The following FANK1 variants were observed in gnomAD, a reference collection of about 807,000 sequenced individuals.
The protein encoded by FANK1 is fibronectin type 3 and ankyrin repeat domains protein 1.
In FANK1, 44 loss-of-function variants were observed where a neutral mutation model predicts 45.3. The ratio of observed to expected loss-of-function variants is 0.97; its 90% CI spans 0.76 to 1.25. The LOEUF is 1.25. Among genes scored for constraint, FANK1 ranks in the 50% most tolerant of loss-of-function variants. The pLI, the probability that FANK1 is intolerant of heterozygous loss-of-function variation, is 0.00. For synonymous variants in FANK1, 149 were observed against 152.5 expected, an observed-to-expected ratio of 0.98 and a Z score of 0.17; for missense variants, 391 against 424.4, an observed-to-expected ratio of 0.92 and a Z score of 0.69.
chr10:125,951,904 G>A (rs1432506138), intron 1 of FANK1, among the ~76,000 whole-genome samples: 3 of 152,146 alleles, frequency 2.0e-5, no homozygotes, highest in Admixed American at 6.5e-5. Context: ...CCCTGTAATT[G>A]TGTAACCAAA....
chr10:125,927,180 T>C (rs1159825115), intron 1 of FANK1, among the ~76,000 whole-genome samples: 4 of 152,168 alleles, frequency 2.6e-5, no homozygotes, highest in African/African-American at 9.7e-5. Flanking sequence ...TGATCATGGC[T>C]CACTGCAGCC....
intron 1 of FANK1, among the ~76,000 whole-genome samples, chr10:125,946,249 C>T (rs1199723029): frequency 1.3e-5 from 2 of 151,894 alleles, no homozygotes; most frequent in South Asian, 4.2e-4. Flanking sequence ...CGGAACAAAG[C>T]TGGATGGAGA....
intron 1 of FANK1, among the ~76,000 whole-genome samples, chr10:125,927,725 T>A (rs148408124): frequency 0.012 from 1,768 of 152,104 alleles, 18 homozygotes; most frequent in African/African-American, 0.04. Context: ...TAATTTTTTT[T>A]AGTAGAGACG....
chr10:125,901,057 A>C (rs190601389), intron 1 of FANK1, among the ~76,000 whole-genome samples: 303 of 151,926 alleles, frequency 2.0e-3, no homozygotes, highest in African/African-American at 7.1e-3. Context: ...ATCCTTCCCC[A>C]TTGGCCTCCC....
intron 1 of FANK1, among the ~76,000 whole-genome samples, chr10:125,943,859 A>C (rs1195174052): frequency 6.6e-6 from 1 of 152,240 alleles, no homozygotes; most frequent in Non-Finnish European, 1.5e-5. Flanking sequence ...GTAGTCAGCA[A>C]CTTTAGGGAC....
chr10:125,928,852 T>C (rs960905677), intron 1 of FANK1, among the ~76,000 whole-genome samples: 6 of 152,232 alleles, frequency 3.9e-5, no homozygotes, highest in African/African-American at 1.4e-4. Flanking sequence ...AATTCTTATA[T>C]TATGGACCAA....
At chr10:125,929,112 C>T (rs1235588121) in intron 1 of FANK1, among the ~76,000 whole-genome samples, 2 of 152,168 alleles carry the variant, frequency 1.3e-5, no homozygotes, top group African/African-American at 4.8e-5. Flanking sequence ...CAGGAGTCCA[C>T]GAAATATGAG....
intron 1 of FANK1, among the ~76,000 whole-genome samples, chr10:125,904,900 C>A (rs977402114): frequency 2.6e-5 from 4 of 151,516 alleles, no homozygotes; most frequent in African/African-American, 9.7e-5. Context: ...CCGAGGCGGG[C>A]GGATCACGAG....
intron 1 of FANK1, among the ~76,000 whole-genome samples, chr10:125,907,279 CCTAATTAGTTAGGCACAACT>C (rs1945603900): frequency 6.6e-6 from 1 of 152,082 alleles, no homozygotes; most frequent in African/African-American, 2.4e-5. Context: ...CTAACTTGTG[CCTAATTAGTTAGGCACAACT>C]CTAATTAGTT....
At chr10:125,971,854 C>T (rs1950539131) in intron 1 of FANK1, among the ~76,000 whole-genome samples, 2 of 152,256 alleles carry the variant, frequency 1.3e-5, no homozygotes, top group South Asian at 2.1e-4. Flanking sequence ...GATCTCGTGA[C>T]TTTGTGATTC....
At chr10:125,967,297 A>G (rs1950246441) in intron 1 of FANK1, among the ~76,000 whole-genome samples, 1 of 152,172 alleles carries the variant, frequency 6.6e-6, no homozygotes, top group African/African-American at 2.4e-5. Flanking sequence ...TGCTTGTTGC[A>G]TGGACTCCCC....
At chr10:125,963,097 C>T (rs1950021390) in intron 1 of FANK1, among the ~76,000 whole-genome samples, 2 of 151,866 alleles carry the variant, frequency 1.3e-5, no homozygotes, top group South Asian at 4.2e-4. Context: ...AGCGATTCTG[C>T]CTCAGCCTCC....
At chr10:125,930,015 A>G (rs1278728848) in intron 1 of FANK1, among the ~76,000 whole-genome samples, 2 of 152,118 alleles carry the variant, frequency 1.3e-5, no homozygotes, top group African/African-American at 4.8e-5. Flanking sequence ...ACTTTTTCAC[A>G]TGGCTATCCA....
intron 1 of FANK1, among the ~76,000 whole-genome samples, chr10:125,898,019 A>AAAAT (rs1554902604): frequency 1.2e-5 from 1 of 83,482 alleles, no homozygotes; most frequent in African/African-American, 4.0e-5. Context: ...AAAAAAAAAA[A>AAAAT]AAAAAAAAAA....
intron 1 of FANK1, among the ~76,000 whole-genome samples, chr10:125,929,717 G>A (rs759344033): frequency 1.3e-4 from 20 of 152,234 alleles, no homozygotes; most frequent in Admixed American, 9.2e-4. Flanking sequence ...TGGACAAAAC[G>A]CACAAAGCAA....
chr10:125,952,522 TC>T (rs1426898376), intron 1 of FANK1, among the ~76,000 whole-genome samples: 1 of 152,098 alleles, frequency 6.6e-6, no homozygotes, highest in East Asian at 1.9e-4. Flanking sequence ...CAAACCAGGA[TC>T]ACCCTTGTGT....
At chr10:125,949,919 T>G (rs1459926266) in intron 1 of FANK1, among the ~76,000 whole-genome samples, 6 of 141,730 alleles carry the variant, frequency 4.2e-5, no homozygotes, top group East Asian at 2.1e-4. Context: ...AAAAGAGAGA[T>G]ATAGATCAAT....
rs573676794 is a variant in FANK1, at chr10:125,996,706, G to A, written c.473+82G>A. ...AAAGGCTCTGGTCAGGATAAGGATGGGAGGAAAAAGGGCCATGGAGGAACC... is the reference window on the plus strand; with the variant it reads ...AAAGGCTCTGGTCAGGATAAGGATGAGAGGAAAAAGGGCCATGGAGGAACC... On this transcript the variant is annotated intron_variant, in intron 5 of 10. Transcript: ENST00000368693. 917 of 1,338,414 alleles carry A rather than the reference G, an allele frequency of 6.9e-4. 3 individuals are homozygous for A. The African/African-American group carries it at 0.013, about 18-fold the overall frequency. 82.9% of individuals were successfully genotyped at this position (1,338,414 alleles called of 1,614,324 possible).
chr10:125,969,709 GAGA>G (rs1464967608), intron 1 of FANK1, among the ~76,000 whole-genome samples: 1 of 152,048 alleles, frequency 6.6e-6, no homozygotes, highest in African/African-American at 2.4e-5. Flanking sequence ...CAATAGTGGA[GAGA>G]AGGTCAGCAG....
Sources: gnomAD v4.1 joint callset for allele counts (sites outside exome capture counted in the v4.1 genomes callset) on GRCh38, gnomAD v4.1.1 for gene constraint, MANE v1.5 for transcripts, NCBI Gene and HGNC (gene_info 2026-07-23, HGNC 2026-07-21) for gene names.